HSDL2: variants seen among roughly 807,000 people sequenced by gnomAD.
HSDL2 encodes hydroxysteroid dehydrogenase like 2, also known as hydroxysteroid dehydrogenase-like protein 2.
HSDL2 carries 27 observed loss-of-function variants against 46.3 expected under a neutral mutation model. The observed-to-expected ratio is 0.58, with a 90% CI of 0.43 to 0.80. HSDL2 has a LOEUF of 0.80. HSDL2 is among the 30% of genes least tolerant of loss of function. HSDL2 has a pLI of 0.00. For missense variants in HSDL2, 451 were observed against 502.7 expected, an observed-to-expected ratio of 0.90 and a Z score of 0.98; for synonymous variants, 153 against 163.6, an observed-to-expected ratio of 0.94 and a Z score of 0.50.
chr9:112,429,829 T>G (rs1832343380), intron 6 of HSDL2, among the ~76,000 whole-genome samples: 1 of 152,222 alleles, frequency 6.6e-6, no homozygotes, highest in African/African-American at 2.4e-5. Context: ...TGTTGGCTCC[T>G]GCTTGTAATC....
At chr9:112,383,446 A>G (rs1207396409) in intron 1 of HSDL2, among the ~76,000 whole-genome samples, 2 of 149,300 alleles carry the variant, frequency 1.3e-5, no homozygotes, top group Non-Finnish European at 3.0e-5. Context: ...ATATATTTGT[A>G]TTGTCTATAT....
intron 6 of HSDL2, among the ~76,000 whole-genome samples, chr9:112,436,960 C>CTTTTTTT (rs780957603): frequency 2.1e-4 from 27 of 126,770 alleles, no homozygotes; most frequent in South Asian, 5.0e-4. Context: ...TTCTTTTTTT[C>CTTTTTTT]TTTTTTTTTT....
rs540802083 is a variant in HSDL2, at chr9:112,389,114, A to G, written c.17+8934A>G. Among the ~76,000 whole-genome samples, 14 of 152,148 alleles carry G rather than the reference A, an allele frequency of 9.2e-5. No individual in the cohort carries two copies. The South Asian group carries it at 2.7e-3, about 29-fold the overall frequency. Reference sequence around the variant, plus strand: ...GTAATCATGGCTCACTGCAGCCTCAACCTTTGGGATCAAACAGTCTTCCTG... The same window carrying G: ...GTAATCATGGCTCACTGCAGCCTCAGCCTTTGGGATCAAACAGTCTTCCTG... On this transcript the variant is annotated intron_variant, in intron 1 of 10. Transcript: ENST00000398805.
chr9:112,388,033 C>A (rs1217538575), intron 1 of HSDL2, among the ~76,000 whole-genome samples: 1 of 151,998 alleles, frequency 6.6e-6, no homozygotes. Flanking sequence ...ATGATGTGTG[C>A]CTGTAGTCCC....
intron 6 of HSDL2, among the ~76,000 whole-genome samples, chr9:112,425,307 C>T (rs754738804): frequency 5.9e-5 from 9 of 152,102 alleles, no homozygotes; most frequent in Non-Finnish European, 1.3e-4. Flanking sequence ...TTATTCTGAA[C>T]TACCATAAAA....
intron 1 of HSDL2, among the ~76,000 whole-genome samples, chr9:112,393,102 CAG>C (rs920679906): frequency 1.3e-5 from 2 of 152,150 alleles, no homozygotes; most frequent in Non-Finnish European, 2.9e-5. Flanking sequence ...GTCGATTAAA[CAG>C]AGAAACATGA....
chr9:112,413,725 T>G (rs1312562439), intron 4 of HSDL2, among the ~76,000 whole-genome samples: 1 of 152,168 alleles, frequency 6.6e-6, no homozygotes, highest in African/African-American at 2.4e-5. Context: ...GAAATGCTTG[T>G]TCCCTGGTGC....
intron 6 of HSDL2, among the ~76,000 whole-genome samples, chr9:112,426,232 T>TCC (rs1832242273): frequency 9.3e-6 from 1 of 107,260 alleles, no homozygotes; most frequent in Non-Finnish European, 1.8e-5. Context: ...CTGGTAAGCC[T>TCC]TCTTTTTTTT....
chr9:112,405,304 T>C (rs541159895), intron 2 of HSDL2, among the ~76,000 whole-genome samples: 2 of 152,252 alleles, frequency 1.3e-5, no homozygotes, highest in East Asian at 3.9e-4. Flanking sequence ...GTGAGCTGTG[T>C]TTGTGCCACT....
At chr9:112,470,356 C>A in intron 10 of HSDL2, 76 bp from the exon 11 acceptor site, 1 of 807,734 alleles carries the variant, frequency 1.2e-6, no homozygotes, top group South Asian at 1.7e-5. Flanking sequence ...ATTCTTTTTA[C>A]AATGCGTGTT....
intron 6 of HSDL2, among the ~76,000 whole-genome samples, chr9:112,430,603 C>A (rs908595950): frequency 1.3e-5 from 2 of 152,158 alleles, no homozygotes; most frequent in Non-Finnish European, 2.9e-5. Context: ...ATTGCAGGAA[C>A]TGAGGCACAG....
At chr9:112,433,971 C>T (rs1832463029) in intron 6 of HSDL2, 4 of 152,298 alleles carry the variant, frequency 2.6e-5, no homozygotes. Context: ...AGCACTTCCA[C>T]CCTGCTGAAT....
chr9:112,436,957 T>C (rs1832538821), intron 6 of HSDL2, among the ~76,000 whole-genome samples: 2 of 118,574 alleles, frequency 1.7e-5, no homozygotes, highest in Admixed American at 8.5e-5. Context: ...CTTTTCTTTT[T>C]TTCTTTTTTT....
Position 112,408,904 on chromosome 9 carries a change from C to T in HSDL2, c.281-3C>T. The T allele has an allele frequency of 7.0e-7, 1 of 1,426,746 alleles. No individual in the cohort carries two copies. Among genetic ancestry groups the T allele is most frequent in the Non-Finnish European group, 9.7e-7 (1 of 1,026,952 alleles). 88.4% of individuals were successfully genotyped at this position (1,426,746 alleles called of 1,614,324 possible). Reference sequence around the variant, plus strand: ...AAAATGAAATTGATTATTTTGAAAACAGGAATTGATATTCTGGTAAATAAT... The same window carrying T: ...AAAATGAAATTGATTATTTTGAAAATAGGAATTGATATTCTGGTAAATAAT... On this transcript the variant is annotated splice_region_variant and splice_polypyrimidine_tract_variant and intron_variant, in intron 3 of 10. Coordinates refer to ENST00000398805, the MANE Select transcript of HSDL2 (RefSeq NM_032303.5).
intron 6 of HSDL2, among the ~76,000 whole-genome samples, chr9:112,429,445 T>G (rs1587950051): frequency 1.3e-5 from 2 of 152,222 alleles, no homozygotes; most frequent in East Asian, 3.8e-4. Context: ...TGCCCTTTCC[T>G]CTACTTCCCT....
At chr9:112,464,091 G>A (rs955613845) in intron 10 of HSDL2, among the ~76,000 whole-genome samples, 7 of 151,982 alleles carry the variant, frequency 4.6e-5, no homozygotes, top group Admixed American at 1.3e-4. Context: ...TGTCAGCCAG[G>A]CATGGTGGCT....
At chr9:112,451,558 TC>T (rs1832885879) in intron 8 of HSDL2, among the ~76,000 whole-genome samples, 1 of 152,246 alleles carries the variant, frequency 6.6e-6, no homozygotes, top group South Asian at 2.1e-4. Context: ...TTACATTCTA[TC>T]CCAGCTCTTG....
chr9:112,448,695 G>T (rs915503556), intron 8 of HSDL2, among the ~76,000 whole-genome samples: 3 of 141,946 alleles, frequency 2.1e-5, no homozygotes, highest in Non-Finnish European at 4.6e-5. Flanking sequence ...AGGATTACAG[G>T]CTTGCCACCC....
At chr9:112,453,390 GTTTCT>G (rs1832935158) in intron 8 of HSDL2, among the ~76,000 whole-genome samples, 1 of 151,976 alleles carries the variant, frequency 6.6e-6, no homozygotes, top group Admixed American at 6.6e-5. Context: ...GTTTAGGTCT[GTTTCT>G]TTTATTTATT....
Sources: gnomAD v4.1 joint callset for allele counts (sites outside exome capture counted in the v4.1 genomes callset) on GRCh38, gnomAD v4.1.1 for gene constraint, MANE v1.5 for transcripts, NCBI Gene and HGNC (gene_info 2026-07-23, HGNC 2026-07-21) for gene names.